The following DYNC2H1 variants were observed in gnomAD, a reference collection of about 807,000 sequenced individuals.
The protein encoded by DYNC2H1 is dynein cytoplasmic 2 heavy chain 1, also known as cytoplasmic dynein 2 heavy chain 1.
A neutral mutation model predicts 570.0 loss-of-function variants in DYNC2H1; 410 were observed. The observed-to-expected ratio is 0.72, with a 90% confidence interval of 0.66 to 0.78. The LOEUF (loss-of-function observed/expected upper bound fraction) is 0.78, where lower values mean the gene tolerates loss of function less well. DYNC2H1 is among the 30% of genes least tolerant of loss of function. The pLI is 0.00. For synonymous variants in DYNC2H1, 1,688 were observed against 1,677.6 expected (o/e 1.01, Z -0.15); for missense variants, 4,865 against 5,046.4 (o/e 0.96, Z 1.09).
At chr11:103,340,021 C>T (rs7483407) in intron 82 of DYNC2H1, among the ~76,000 whole-genome samples, 3 of 152,074 alleles carry the variant, frequency 2.0e-5, no homozygotes, top group South Asian at 2.1e-4. Context: ...AGTGCTATGA[C>T]GCCTGGGTTT....
chr11:103,121,106 A>G (rs1302762532), intron 9 of DYNC2H1, 70 bp downstream of exon 9: 1 of 1,033,356 alleles, frequency 9.7e-7, no homozygotes, highest in Non-Finnish European at 1.4e-6. Flanking sequence ...TCTTCGTTGC[A>G]TACCATTTAG....
chr11:103,417,591 C>T (rs1285122619), intron 84 of DYNC2H1, among the ~76,000 whole-genome samples: 5 of 151,872 alleles, frequency 3.3e-5, no homozygotes, highest in African/African-American at 7.3e-5. Context: ...AAAATTGATC[C>T]GTGTTGGCCA....
Position 103,375,297 on chromosome 11 carries a change from C to T in DYNC2H1, c.12156+16938C>T, listed in dbSNP as rs555476119. 3.9e-5 allele frequency among the ~76,000 whole-genome samples: 6 copies of T among 152,294 alleles called. No homozygotes were observed. The East Asian group carries it at 1.2e-3, about 29-fold the overall frequency. On this transcript the variant is annotated intron_variant, in intron 83 of 88. Transcript: ENST00000375735. Reference sequence around the variant, plus strand: ...AAGAAGTCTGCTGTAGGGTTGGAGCCCTCTTGGAGAACCTCTGCTAGGGCA... The same window carrying T: ...AAGAAGTCTGCTGTAGGGTTGGAGCTCTCTTGGAGAACCTCTGCTAGGGCA...
chr11:103,153,663 T>C (rs1860677029), intron 22 of DYNC2H1, among the ~76,000 whole-genome samples, 155 bp downstream of exon 22: 1 of 152,056 alleles, frequency 6.6e-6, no homozygotes, highest in Admixed American at 6.6e-5. Context: ...TACTGTTGTC[T>C]TAGGAGTCAT....
intron 74 of DYNC2H1, among the ~76,000 whole-genome samples, chr11:103,286,684 A>C (rs1254934562): frequency 6.6e-6 from 1 of 152,184 alleles, no homozygotes; most frequent in Non-Finnish European, 1.5e-5. Context: ...CAAGTTTTAC[A>C]ATCATTTCCC....
At chr11:103,262,168 A>G (rs1865323263) in intron 70 of DYNC2H1, among the ~76,000 whole-genome samples, 1 of 152,212 alleles carries the variant, frequency 6.6e-6, no homozygotes, top group African/African-American at 2.4e-5. Context: ...ATGAAAAGGA[A>G]CAAACAAAGC....
chr11:103,344,084 C>CA (rs1298313184), intron 82 of DYNC2H1, among the ~76,000 whole-genome samples: 1 of 152,314 alleles, frequency 6.6e-6, no homozygotes, highest in Middle Eastern at 3.4e-3. Flanking sequence ...AACTTTGGTG[C>CA]AGACCCTTTT....
chr11:103,398,086 G>C (rs948572339), intron 83 of DYNC2H1, among the ~76,000 whole-genome samples: 7 of 152,000 alleles, frequency 4.6e-5, no homozygotes, highest in Non-Finnish European at 1.0e-4. Flanking sequence ...ATTAGTACTT[G>C]TTAATCTTGC....
chr11:103,351,781 T>A (rs1940068691), intron 82 of DYNC2H1, among the ~76,000 whole-genome samples: 1 of 152,160 alleles, frequency 6.6e-6, no homozygotes, highest in South Asian at 2.1e-4. Flanking sequence ...CTTTGTAACA[T>A]TATTTGGAAA....
chr11:103,454,475 G>C (rs1044572559), intron 85 of DYNC2H1, among the ~76,000 whole-genome samples: 5 of 152,066 alleles, frequency 3.3e-5, no homozygotes, highest in African/African-American at 1.2e-4. Flanking sequence ...ATTTGACCTT[G>C]AGCAAGACCC....
intron 87 of DYNC2H1, among the ~76,000 whole-genome samples, chr11:103,459,609 C>T (rs1023644849): frequency 2.0e-5 from 3 of 152,068 alleles, no homozygotes; most frequent in African/African-American, 7.2e-5. Context: ...TACCAACAAG[C>T]TAGATCTTTC....
At chr11:103,427,060 C>T (rs896389271) in intron 84 of DYNC2H1, among the ~76,000 whole-genome samples, 9 of 152,148 alleles carry the variant, frequency 5.9e-5, no homozygotes, top group South Asian at 2.1e-4. Context: ...CAAATGTTAA[C>T]GTAAACCCAC....
At chr11:103,195,195 T>A (rs1024395109) in intron 47 of DYNC2H1, among the ~76,000 whole-genome samples, 2 of 152,242 alleles carry the variant, frequency 1.3e-5, no homozygotes, top group African/African-American at 4.8e-5. Flanking sequence ...TAACCTATCA[T>A]TTTTCATCGT....
In DYNC2H1 at chr11:103,173,242, C is replaced by T. The variant is rs754919042; in HGVS notation, c.5495C>T (p.Ser1832Leu). The change falls in exon 35 of 89, where the codon TCG becomes TTG. Residue 1832 changes from serine to leucine, a missense_variant. Ser to Leu is a moderately radical substitution (Grantham distance 145). Transcript: ENST00000375735. ...NELIAEVILY[S>L]EGFKDAKVLS... ...CTTATTGCAGAAGTTATTCTCTATT[C>T]GGAAGGCTTTAAAGACGCTAAAGTA... The T allele has an allele frequency of 2.1e-5, 33 of 1,599,896 alleles. No individual in the cohort carries two copies. Among genetic ancestry groups the T allele is most frequent in the Middle Eastern group, 3.3e-4 (2 of 6,050 alleles).
intron 6 of DYNC2H1, among the ~76,000 whole-genome samples, chr11:103,118,477 A>G (rs11225553): frequency 0.09 from 13,699 of 152,066 alleles, 796 homozygotes; most frequent in African/African-American, 0.16. Context: ...ACATTTTTCA[A>G]TTCTTTTCTC....
At chr11:103,308,410 G>A (rs1229344155) in intron 78 of DYNC2H1, among the ~76,000 whole-genome samples, 14 of 152,088 alleles carry the variant, frequency 9.2e-5, no homozygotes, top group Non-Finnish European at 1.3e-4. Context: ...ATCCATCAGT[G>A]GACATTTAGG....
At chr11:103,437,332 CT>C (rs1181278935) in intron 85 of DYNC2H1, among the ~76,000 whole-genome samples, 1 of 152,100 alleles carries the variant, frequency 6.6e-6, no homozygotes, top group African/African-American at 2.4e-5. Context: ...CTGTTCTCCT[CT>C]CTTTAGAGAC....
In DYNC2H1 at chr11:103,155,617, A is replaced by G. The variant is rs539595865; in HGVS notation, c.3744+116A>G. The G allele has an allele frequency of 2.7e-5, 27 of 1,016,462 alleles. No homozygotes were observed. The African/African-American group carries it at 4.6e-4, about 17-fold the overall frequency. 63.0% of individuals were successfully genotyped at this position (1,016,462 alleles called of 1,614,324 possible). On this transcript the variant is annotated intron_variant, in intron 25 of 88. Transcript: ENST00000375735. The stretch of plus-strand genomic sequence containing the variant: ...TCCTTTAAGGGAATCAGCTTTCATC[A>G]AAAAGTAAACAAACACAAATCATTT...
chr11:103,152,426 G>A, intron 21 of DYNC2H1, 141 bp downstream of exon 21: 1 of 720,696 alleles, frequency 1.4e-6, no homozygotes, highest in Non-Finnish European at 2.1e-6. Flanking sequence ...TACTTTTATA[G>A]TGAAATATAT....
Sources: gnomAD v4.1 joint callset for allele counts (sites outside exome capture counted in the v4.1 genomes callset) on GRCh38, gnomAD v4.1.1 for gene constraint, MANE v1.5 for transcripts, NCBI Gene and HGNC (gene_info 2026-07-23, HGNC 2026-07-21) for gene names.